GRIP1: variants seen among roughly 807,000 people sequenced by gnomAD.
The protein encoded by GRIP1 is glutamate receptor interacting protein 1, also known as glutamate receptor-interacting protein 1.
In GRIP1, 45 loss-of-function variants were observed where a neutral mutation model predicts 129.9. The observed-to-expected ratio is 0.35, with a 90% CI of 0.27 to 0.44. The LOEUF (loss-of-function observed/expected upper bound fraction) is 0.44, where lower values mean the gene tolerates loss of function less well. Among genes scored for constraint, GRIP1 ranks in the 20% least tolerant of loss-of-function variants. The pLI is 1.00. For synonymous variants in GRIP1, 530 were observed against 520.8 expected (o/e 1.02, Z -0.24); for missense variants, 1,196 against 1,396.8 (o/e 0.86, Z 2.29).
At position 66,702,288 on chromosome 12, in the gene GRIP1, C is replaced by T. The variant is rs534733959; in HGVS notation, c.-419-71952G>A. Among the ~76,000 whole-genome samples the T allele has an allele frequency of 1.2e-4, 18 of 152,170 alleles. No individual in the cohort carries two copies. The South Asian group carries it at 3.7e-3, about 32-fold the overall frequency. On this transcript the variant is annotated intron_variant, in intron 1 of 4. Coordinates refer to the GRIP1 transcript ENST00000538373. ...CTCAGATAATCTGTCAGAGAAGGAC[C>T]AAATGCTTCTTTCACTGTGATGCAA...
chr12:66,684,055 C>T (rs113454337), upstream of GRIP1, among the ~76,000 whole-genome samples: 109 of 152,236 alleles, frequency 7.2e-4, no homozygotes, highest in East Asian at 1.7e-3. Flanking sequence ...ATTTGCAAAA[C>T]GGTAAAAATC....
intron 1 of GRIP1, among the ~76,000 whole-genome samples, chr12:67,016,742 C>G (rs1392643062): frequency 1.3e-5 from 2 of 152,154 alleles, no homozygotes; most frequent in Non-Finnish European, 2.9e-5. Flanking sequence ...ATAATATCAT[C>G]TTGTATCTGT....
intron 2 of GRIP1, among the ~76,000 whole-genome samples, chr12:66,575,251 T>C (rs12425766): frequency 0.23 from 34,657 of 152,156 alleles, 4,224 homozygotes; most frequent in Admixed American, 0.27. Flanking sequence ...AGGATGATTC[T>C]AAAAATTCAC....
At chr12:66,684,405 T>G (rs1158577300) in intron 1 of GRIP1, among the ~76,000 whole-genome samples, 1 of 152,192 alleles carries the variant, frequency 6.6e-6, no homozygotes, top group Non-Finnish European at 1.5e-5. Flanking sequence ...TCTCTACCCT[T>G]AAATGTCGGA....
intron 13 of GRIP1, among the ~76,000 whole-genome samples, chr12:66,442,782 C>T (rs574273477): frequency 2.6e-5 from 4 of 152,282 alleles, no homozygotes; most frequent in South Asian, 2.1e-4. Flanking sequence ...GTGATCCTCC[C>T]GCCTTGGCCT....
At chr12:66,497,496 T>C (rs2060267971) in intron 7 of GRIP1, among the ~76,000 whole-genome samples, 1 of 151,848 alleles carries the variant, frequency 6.6e-6, no homozygotes, top group South Asian at 2.1e-4. Flanking sequence ...ACAAGAGCAT[T>C]GGGAATCAAA....
intron 15 of GRIP1, among the ~76,000 whole-genome samples, chr12:66,410,894 T>C (rs1207284940): frequency 6.6e-6 from 1 of 152,108 alleles, no homozygotes; most frequent in African/African-American, 2.4e-5. Flanking sequence ...AAATGCAAAA[T>C]AACTGAAATC....
chr12:67,009,491 C>T (rs1592461558), intron 1 of GRIP1, among the ~76,000 whole-genome samples: 2 of 152,266 alleles, frequency 1.3e-5, no homozygotes, highest in African/African-American at 4.8e-5. Flanking sequence ...ACAAAGAGCA[C>T]ATTTTTACCC....
At chr12:66,749,833 T>C (rs888516954) in intron 1 of GRIP1, among the ~76,000 whole-genome samples, 1 of 152,144 alleles carries the variant, frequency 6.6e-6, no homozygotes, top group East Asian at 1.9e-4. Flanking sequence ...AGCAGCAGCA[T>C]AGAAGGAGCC....
chr12:66,642,709 TC>T (rs780720089), intron 1 of GRIP1, among the ~76,000 whole-genome samples: 34 of 152,240 alleles, frequency 2.2e-4, no homozygotes, highest in South Asian at 8.3e-4. Flanking sequence ...GAACAATGAT[TC>T]TAAAATCCAT....
chr12:66,636,357 A>G (rs112697554), intron 1 of GRIP1, among the ~76,000 whole-genome samples: 7 of 152,332 alleles, frequency 4.6e-5, no homozygotes, highest in African/African-American at 1.7e-4. Context: ...AACCATATGA[A>G]TGTACTTAAT....
At chr12:66,478,915 A>T (rs1454660568) in intron 7 of GRIP1, among the ~76,000 whole-genome samples, 3 of 152,208 alleles carry the variant, frequency 2.0e-5, no homozygotes, top group African/African-American at 7.2e-5. Flanking sequence ...GCATTAGGAA[A>T]TATACCTAGT....
At chr12:66,557,354 G>C (rs1300372610) in intron 2 of GRIP1, among the ~76,000 whole-genome samples, 1 of 152,138 alleles carries the variant, frequency 6.6e-6, no homozygotes, top group African/African-American at 2.4e-5. Context: ...GTTTAAGAGA[G>C]AGATAGAACT....
intron 1 of GRIP1, among the ~76,000 whole-genome samples, chr12:66,842,636 C>G (rs564186246): frequency 2.0e-5 from 3 of 152,160 alleles, no homozygotes; most frequent in Non-Finnish European, 4.4e-5. Context: ...AAAGTCATAA[C>G]AAAAGTATAG....
intron 1 of GRIP1, among the ~76,000 whole-genome samples, chr12:66,923,230 C>T (rs527873770): frequency 4.3e-4 from 66 of 152,210 alleles, no homozygotes; most frequent in African/African-American, 1.5e-3. Context: ...CCTGTAATCC[C>T]AGCATTTGAG....
At chr12:66,525,351 C>T (rs965704078) in intron 5 of GRIP1, among the ~76,000 whole-genome samples, 1 of 151,972 alleles carries the variant, frequency 6.6e-6, no homozygotes, top group African/African-American at 2.4e-5. Flanking sequence ...TGGGCTTCAT[C>T]CCTGGGATGC....
At position 66,780,692 on chromosome 12, in the gene GRIP1, G is replaced by A. The variant is rs1313960097; in HGVS notation, c.-420+23361C>T. Among the ~76,000 whole-genome samples, 3 of 152,042 alleles carry A rather than the reference G, an allele frequency of 2.0e-5. No homozygotes were observed. In the East Asian group the frequency reaches 5.8e-4, roughly 29 times the overall value. The stretch of plus-strand genomic sequence containing the variant: ...TCTATATCCTCTCCCTTTGAATCTG[G>A]GCTGAATTTTGGGACTTGATCAACA... On this transcript the variant is annotated intron_variant, in intron 1 of 4. Coordinates refer to the GRIP1 transcript ENST00000538373.
At chr12:66,844,827 G>A (rs2137059682) in intron 1 of GRIP1, among the ~76,000 whole-genome samples, 1 of 152,282 alleles carries the variant, frequency 6.6e-6, no homozygotes, top group African/African-American at 2.4e-5. Flanking sequence ...GGTGAACCCT[G>A]AGAACATTAT....
intron 11 of GRIP1, among the ~76,000 whole-genome samples, chr12:66,450,070 TCGGG>T (rs2058736378): frequency 6.7e-6 from 1 of 149,888 alleles, no homozygotes; most frequent in Non-Finnish European, 1.5e-5. Flanking sequence ...GGAGGCCGAG[TCGGG>T]CGGATCACGA....
Sources: allele counts gnomAD v4.1 joint callset (sites outside exome capture counted in the v4.1 genomes callset), GRCh38; gene constraint gnomAD v4.1.1; transcripts MANE v1.5; gene names NCBI Gene and HGNC (gene_info 2026-07-23, HGNC 2026-07-21).